DPP6: variants seen among roughly 807,000 people sequenced by gnomAD.
DPP6 encodes dipeptidyl peptidase like 6, also known as A-type potassium channel modulatory protein DPP6.
In DPP6, 69 loss-of-function variants were observed where a neutral mutation model predicts 122.6. That is an observed-to-expected ratio of 0.56 (90% CI 0.46 to 0.69). The LOEUF (loss-of-function observed/expected upper bound fraction) is 0.69. DPP6 is among the 30% of genes least tolerant of loss of function. The pLI is 0.00. For synonymous variants in DPP6, 418 were observed against 433.1 expected (o/e 0.97, Z 0.43); for missense variants, 928 against 1,116.9 (o/e 0.83, Z 2.41).
intron 1 of DPP6, among the ~76,000 whole-genome samples, chr7:153,985,667 C>G (rs1796809475): frequency 6.6e-6 from 1 of 152,162 alleles, no homozygotes; most frequent in Non-Finnish European, 1.5e-5. Context: ...AACATGAACT[C>G]TCCATACTGT....
intron 1 of DPP6, among the ~76,000 whole-genome samples, chr7:153,985,408 A>T (rs71530435): frequency 6.6e-5 from 10 of 152,336 alleles, no homozygotes; most frequent in Admixed American, 3.9e-4. Flanking sequence ...CAGTGGGACC[A>T]GTTCTGTCAC....
intron 7 of DPP6, among the ~76,000 whole-genome samples, chr7:154,684,659 A>G (rs947642572): frequency 6.6e-6 from 1 of 152,212 alleles, no homozygotes; most frequent in African/African-American, 2.4e-5. Flanking sequence ...TTACCATGAC[A>G]CCGTGTTCAA....
intron 2 of DPP6, among the ~76,000 whole-genome samples, chr7:154,453,708 C>T (rs1199625405): frequency 2.6e-5 from 4 of 152,048 alleles, no homozygotes; most frequent in Admixed American, 6.6e-5. Context: ...ATCATTAATC[C>T]TCTCAAGGGC....
chr7:154,579,723 G>A (rs995450480), intron 5 of DPP6, among the ~76,000 whole-genome samples: 3 of 152,180 alleles, frequency 2.0e-5, no homozygotes, highest in African/African-American at 7.2e-5. Context: ...GAGGCAGATG[G>A]GCAGCAGGGA....
At chr7:154,463,429 G>A (rs891600994) in intron 2 of DPP6, among the ~76,000 whole-genome samples, 5 of 151,762 alleles carry the variant, frequency 3.3e-5, no homozygotes, top group Non-Finnish European at 4.4e-5. Flanking sequence ...GGATGGTCTC[G>A]ATCTCCTGAC....
intron 1 of DPP6, among the ~76,000 whole-genome samples, chr7:154,080,747 G>A (rs138509640): frequency 0.038 from 5,811 of 151,122 alleles, 121 homozygotes; most frequent in South Asian, 0.073. Flanking sequence ...CTCAATACCT[G>A]TGATTGAAAC....
Position 153,928,396 on chromosome 7 carries a change from A to ATTTTTTTTTTTTTTTTTTTTTTT in DPP6, c.51+40665_51+40687dup, listed in dbSNP as rs71182854. On this transcript the variant is annotated intron_variant, in intron 1 of 25. Transcript: ENST00000404039. Reference sequence around the variant, plus strand: ...CTGGCTAATTTTTTTCTTTTCTTTCATTTTTTTTTTTTTTTTTTTTTTTTT... The same window carrying ATTTTTTTTTTTTTTTTTTTTTTT: ...CTGGCTAATTTTTTTCTTTTCTTTCATTTTTTTTTTTTTTTTTTTTTTTTTTTTTTTTTTTTTTTTTTTTTTTT... Among the ~76,000 whole-genome samples the ATTTTTTTTTTTTTTTTTTTTTTT allele has an allele frequency of 1.8e-3, 80 of 43,682 alleles. 12 individuals carry two copies. The highest frequency in any genetic ancestry group is 2.1e-3 in the Non-Finnish European group (48 of 22,860). 28.7% of individuals were successfully genotyped at this position (43,682 alleles called of 152,430 possible).
intron 1 of DPP6, among the ~76,000 whole-genome samples, chr7:154,154,516 G>T (rs1384892282): frequency 6.6e-6 from 1 of 152,114 alleles, no homozygotes; most frequent in East Asian, 1.9e-4. Flanking sequence ...CCAAGAAACA[G>T]AAAAAACAGC....
chr7:154,232,471 C>T (rs1563345623), intron 1 of DPP6, among the ~76,000 whole-genome samples: 1 of 152,134 alleles, frequency 6.6e-6, no homozygotes, highest in East Asian at 1.9e-4. Context: ...GAACAAGAAA[C>T]TCTGTCTGGA....
At chr7:154,723,148 A>T (rs1465168515) in intron 7 of DPP6, among the ~76,000 whole-genome samples, 1 of 152,130 alleles carries the variant, frequency 6.6e-6, no homozygotes, top group Non-Finnish European at 1.5e-5. Flanking sequence ...AGTCCCAGCT[A>T]CTTGGGAGGC....
chr7:154,151,252 C>T (rs1176873721), intron 1 of DPP6, among the ~76,000 whole-genome samples: 1 of 152,186 alleles, frequency 6.6e-6, no homozygotes, highest in Non-Finnish European at 1.5e-5. Context: ...TGCCCCAGGC[C>T]TCTCCCATCC....
chr7:154,854,413 G>A (rs780768578), intron 17 of DPP6, among the ~76,000 whole-genome samples: 17 of 152,192 alleles, frequency 1.1e-4, no homozygotes, highest in Middle Eastern at 3.2e-3. Context: ...AAAGGGGTCC[G>A]TGGATGGAAA....
intron 16 of DPP6, among the ~76,000 whole-genome samples, chr7:154,814,809 G>A (rs1799310940): frequency 6.6e-6 from 1 of 152,160 alleles, no homozygotes; most frequent in Admixed American, 6.5e-5. Flanking sequence ...ACTTACCAAT[G>A]TATTGCTTTC....
chr7:154,516,138 C>G (rs777580314), intron 3 of DPP6, among the ~76,000 whole-genome samples: 2 of 152,170 alleles, frequency 1.3e-5, no homozygotes, highest in Non-Finnish European at 2.9e-5. Context: ...GGGCCAGACT[C>G]TTGCGGCACC....
At chr7:154,355,501 C>T (rs1811200951) in intron 1 of DPP6, among the ~76,000 whole-genome samples, 1 of 152,102 alleles carries the variant, frequency 6.6e-6, no homozygotes, top group Admixed American at 6.5e-5. Context: ...ATTTTACCTT[C>T]AACATTTAGA....
At chr7:153,941,881 C>T (rs1421011243) in intron 1 of DPP6, among the ~76,000 whole-genome samples, 1 of 152,132 alleles carries the variant, frequency 6.6e-6, no homozygotes, top group Non-Finnish European at 1.5e-5. Context: ...TTGTCTCTCT[C>T]TCCTTTCCTA....
At chr7:154,063,625 A>G (rs1403904594) in intron 1 of DPP6, among the ~76,000 whole-genome samples, 62 of 114,318 alleles carry the variant, frequency 5.4e-4, no homozygotes, top group East Asian at 2.5e-3. Context: ...CCCACGAGGC[A>G]GGGACTGAGA....
intron 5 of DPP6, among the ~76,000 whole-genome samples, chr7:154,584,106 A>C (rs1832270566): frequency 6.6e-6 from 1 of 151,946 alleles, no homozygotes; most frequent in Non-Finnish European, 1.5e-5. Context: ...CCCGCCCCAC[A>C]CTTCTTCAAT....
the DPP6 span, among the ~76,000 whole-genome samples, chr7:153,880,494 C>G: frequency 6.6e-6 from 1 of 152,140 alleles, no homozygotes; most frequent in Admixed American, 6.5e-5. Context: ...TTAATACCAA[C>G]AAAATACTGC....
Sources: gnomAD v4.1 joint callset for allele counts (sites outside exome capture counted in the v4.1 genomes callset) on GRCh38, gnomAD v4.1.1 for gene constraint, MANE v1.5 for transcripts, NCBI Gene and HGNC (gene_info 2026-07-23, HGNC 2026-07-21) for gene names.